PCDHA13: variants seen among roughly 807,000 people sequenced by gnomAD.
PCDHA13 encodes protocadherin alpha 13.
A neutral mutation model predicts 64.8 loss-of-function variants in PCDHA13; 54 were observed. The ratio of observed to expected loss-of-function variants is 0.83; its 90% CI spans 0.67 to 1.04. The LOEUF is 1.04. Ranked by LOEUF, PCDHA13 falls within the 50% of genes least tolerant of loss-of-function variation. The probability of loss-of-function intolerance (pLI) is 0.00; values close to 1 mark genes in which losing one functional copy is unlikely to be tolerated. For missense variants in PCDHA13, 1,248 were observed against 1,254.3 expected, an observed-to-expected ratio of 0.99 and a Z score of 0.08; for synonymous variants, 587 against 564.4, an observed-to-expected ratio of 1.04 and a Z score of -0.57.
chr5:140,971,192 A>G (rs1450514781), intron 1 of PCDHA13, among the ~76,000 whole-genome samples: 3 of 152,178 alleles, frequency 2.0e-5, no homozygotes, highest in Non-Finnish European at 4.4e-5. Context: ...GGAAGCTCAG[A>G]GGAAAGACAC....
At chr5:140,940,271 T>C (rs1371680526) in intron 1 of PCDHA13, among the ~76,000 whole-genome samples, 1 of 152,228 alleles carries the variant, frequency 6.6e-6, no homozygotes, top group East Asian at 1.9e-4. Context: ...GGTTCCACTG[T>C]TGTCTCATTG....
chr5:140,884,533 G>T lies in PCDHA13; in HGVS notation c.2265G>T (p.Arg755=). The T allele has an allele frequency of 6.2e-7, 1 of 1,614,082 alleles. No homozygotes were observed. Among genetic ancestry groups the T allele is most frequent in the Non-Finnish European group, 8.5e-7 (1 of 1,179,994 alleles). The change falls in exon 1 of 4, where the codon CGG becomes CGT. Residue 755 remains arginine (R), a synonymous_variant. Coordinates refer to ENST00000289272, the MANE Select transcript of PCDHA13 (RefSeq NM_018904.3). ...AGSWSYSQQR[R]PRVCSGEGPH... is the part of the protein sequence containing the mutation. ...GTTGGTCGTACTCGCAGCAGAGGCG[G>T]CCGAGGGTGTGCTCTGGGGAGGGCC...
chr5:140,891,885 C>T (rs546305739), intron 1 of PCDHA13, among the ~76,000 whole-genome samples: 22 of 152,288 alleles, frequency 1.4e-4, no homozygotes, highest in African/African-American at 2.2e-4. Context: ...TGTCATGTGA[C>T]GATGCAGCAA....
In PCDHA13 at chr5:140,882,347, G is replaced by A. The variant is rs1554173687; in HGVS notation, c.79G>A (p.Gly27Ser). The A allele has an allele frequency of 1.9e-6, 3 of 1,614,198 alleles. No homozygotes were observed. The highest frequency in any genetic ancestry group is 2.2e-5 in the South Asian group (2 of 91,084). Residue 27 changes from glycine to serine, a missense_variant, in exon 1 of 4, where the codon GGT (glycine) becomes AGT (serine). Gly to Ser is a moderately conservative substitution (Grantham distance 56). Coordinates refer to ENST00000289272, the MANE Select transcript of PCDHA13 (RefSeq NM_018904.3). ...TCTGATCCTCGCAGCCTGGGAGACG[G>A]GTAGTGGCCAGCTCCACTACTCCGT... Reference protein sequence around the residue: ...WLLILAAWETGSGQLHYSVPE... With the variant: ...WLLILAAWETSSGQLHYSVPE...
At chr5:140,929,268 A>G (rs1303371377) in intron 1 of PCDHA13, 1 of 1,611,476 alleles carries the variant, frequency 6.2e-7, no homozygotes, top group Non-Finnish European at 8.5e-7. Flanking sequence ...TGAATTTGCC[A>G]ATATCCTGTA....
chr5:140,987,936 T>C lies in PCDHA13; in HGVS notation c.2542+5373T>C, dbSNP rs80117115. Among the ~76,000 whole-genome samples the C allele has an allele frequency of 7.9e-3, 1,205 of 152,348 alleles. 20 individuals are homozygous for C. Among genetic ancestry groups the C allele is most frequent in the African/African-American group, 0.027 (1,136 of 41,570 alleles). On this transcript the variant is annotated intron_variant, in intron 3 of 3. Coordinates refer to ENST00000289272, the MANE Select transcript of PCDHA13 (RefSeq NM_018904.3). ...TATTCTTAATTGTCTCAAGGATTCT[T>C]ACCTGTCTGACAAAACCAACTCCCC...
intron 1 of PCDHA13, among the ~76,000 whole-genome samples, chr5:140,921,231 T>C (rs1171159325): frequency 3.3e-5 from 5 of 152,122 alleles, no homozygotes; most frequent in African/African-American, 4.8e-5. Context: ...TGCTAGATGA[T>C]ATTAAGCCAC....
At chr5:140,904,270 G>A (rs374052783) in intron 1 of PCDHA13, among the ~76,000 whole-genome samples, 3 of 152,068 alleles carry the variant, frequency 2.0e-5, no homozygotes, top group East Asian at 3.9e-4. Context: ...ACTTATGAAT[G>A]AGAACATGTG....
chr5:140,925,124 A>AGGAAGGAAGGAAGGAAGGAAGGAAGG, intron 1 of PCDHA13, among the ~76,000 whole-genome samples: 1 of 151,856 alleles, frequency 6.6e-6, no homozygotes, highest in Non-Finnish European at 1.5e-5. Flanking sequence ...GAAGGAAGGA[A>AGGAAGGAAGGAAGGAAGGAAGGAAGG]AAAAAATTTC....
intron 1 of PCDHA13, among the ~76,000 whole-genome samples, chr5:140,971,092 G>A (rs1263264725): frequency 2.0e-5 from 3 of 152,168 alleles, no homozygotes; most frequent in Non-Finnish European, 4.4e-5. Flanking sequence ...ACAAATTCTT[G>A]TGAAGCCCTT....
intron 3 of PCDHA13, among the ~76,000 whole-genome samples, chr5:141,001,133 A>G (rs2097993653): frequency 6.6e-6 from 1 of 152,034 alleles, no homozygotes; most frequent in Non-Finnish European, 1.5e-5. Flanking sequence ...AAACAAATGA[A>G]TCTTCTGTTG....
intron 1 of PCDHA13, among the ~76,000 whole-genome samples, chr5:140,899,542 G>A (rs2067394532): frequency 6.6e-6 from 1 of 152,156 alleles, no homozygotes; most frequent in Non-Finnish European, 1.5e-5. Flanking sequence ...ACTTGATCAT[G>A]GTGGATAAGC....
intron 1 of PCDHA13, among the ~76,000 whole-genome samples, chr5:140,911,737 G>A (rs187858302): frequency 3.4e-4 from 51 of 152,238 alleles, no homozygotes; most frequent in African/African-American, 9.9e-4. Flanking sequence ...TTCGTGCCAA[G>A]GACTATCAGT....
intron 1 of PCDHA13, chr5:140,967,383 T>A: frequency 6.2e-7 from 1 of 1,608,702 alleles, no homozygotes; most frequent in Non-Finnish European, 8.5e-7. Flanking sequence ...AACAGTAAAG[T>A]GCTTGAGCTG....
At position 140,883,514 on chromosome 5, in the gene PCDHA13, G is replaced by C. The variant is rs2059648914; in HGVS notation, c.1246G>C (p.Glu416Gln). Reference protein sequence around the residue: ...SLVLDSALDRESVSAYELVVT... With the variant: ...SLVLDSALDRQSVSAYELVVT... ...AGTGCTGGACAGCGCCCTGGACCGCGAGAGCGTATCAGCCTATGAACTGGT... is the reference window on the plus strand; with the variant it reads ...AGTGCTGGACAGCGCCCTGGACCGCCAGAGCGTATCAGCCTATGAACTGGT... Residue 416 changes from glutamate (E) to glutamine (Q), a missense_variant, in exon 1 of 4, where the codon GAG (glutamate) becomes CAG (glutamine). Glu to Gln is a conservative substitution (Grantham distance 29). Transcript: ENST00000289272. 2 of 1,614,220 alleles carry C rather than the reference G, an allele frequency of 1.2e-6. No homozygotes were observed. Among genetic ancestry groups the C allele is most frequent in the Non-Finnish European group, 1.7e-6 (2 of 1,180,048 alleles).
intron 1 of PCDHA13, chr5:140,967,425 C>A (rs1218574888): frequency 1.2e-6 from 2 of 1,613,178 alleles, no homozygotes; most frequent in Non-Finnish European, 1.7e-6. Context: ...CGGGAGCAGG[C>A]AGCCTTGCAC....
chr5:140,900,543 C>T (rs889758586), intron 1 of PCDHA13, among the ~76,000 whole-genome samples: 2 of 152,210 alleles, frequency 1.3e-5, no homozygotes, highest in African/African-American at 4.8e-5. Context: ...TTCCAAAGTG[C>T]TGGGATTACA....
intron 1 of PCDHA13, among the ~76,000 whole-genome samples, chr5:140,944,481 T>C (rs1441639137): frequency 1.3e-5 from 2 of 152,106 alleles, no homozygotes; most frequent in Admixed American, 6.5e-5. Flanking sequence ...GGCACTGGAC[T>C]GAGGCTTCTT....
intron 1 of PCDHA13, among the ~76,000 whole-genome samples, chr5:140,974,319 G>A (rs781949857): frequency 1.8e-4 from 27 of 152,198 alleles, no homozygotes; most frequent in Non-Finnish European, 3.5e-4. Flanking sequence ...TGAGAGAGTA[G>A]CTGCTGTGCT....
Sources: allele counts gnomAD v4.1 joint callset (sites outside exome capture counted in the v4.1 genomes callset), GRCh38; gene constraint gnomAD v4.1.1; transcripts MANE v1.5; gene names NCBI Gene and HGNC (gene_info 2026-07-23, HGNC 2026-07-21).